The following KCNK5 variants were observed in gnomAD, a reference collection of about 807,000 sequenced individuals.
KCNK5 encodes potassium channel subfamily K member 5.
KCNK5 carries 18 observed loss-of-function variants against 32.9 expected under a neutral mutation model. The ratio of observed to expected loss-of-function variants is 0.55; its 90% confidence interval spans 0.38 to 0.81. The LOEUF (loss-of-function observed/expected upper bound fraction) is 0.81, where lower values mean the gene tolerates loss of function less well. Ranked by LOEUF, KCNK5 falls within the 30% of genes least tolerant of loss-of-function variation. The pLI is 0.00. For missense variants in KCNK5, 507 were observed against 651.0 expected (o/e 0.78, Z 2.41); for synonymous variants, 276 against 275.3 (o/e 1.00, Z -0.03).
At chr6:39,196,937 C>A (rs1771041467) in intron 1 of KCNK5, among the ~76,000 whole-genome samples, 1 of 152,222 alleles carries the variant, frequency 6.6e-6, no homozygotes, top group African/African-American at 2.4e-5. Context: ...CAGCTGCAAA[C>A]CTGTTTCCAT....
intron 1 of KCNK5, among the ~76,000 whole-genome samples, chr6:39,214,286 C>T (rs1255203466): frequency 6.6e-6 from 1 of 152,188 alleles, no homozygotes; most frequent in Non-Finnish European, 1.5e-5. Flanking sequence ...CTGACACATG[C>T]TTTCACCAGG....
intron 1 of KCNK5, among the ~76,000 whole-genome samples, chr6:39,203,928 C>G (rs1327509891): frequency 6.6e-6 from 1 of 152,262 alleles, no homozygotes; most frequent in South Asian, 2.1e-4. Flanking sequence ...CACTGCCTCT[C>G]CCCCCGGGTC....
chr6:39,196,696 C>T (rs181260128), intron 1 of KCNK5, among the ~76,000 whole-genome samples: 10 of 152,374 alleles, frequency 6.6e-5, no homozygotes, highest in South Asian at 6.2e-4. Flanking sequence ...TCCCTCCCTT[C>T]CCTGTAGCCC....
chr6:39,200,240 T>C (rs1313098601), intron 1 of KCNK5, among the ~76,000 whole-genome samples: 2 of 152,142 alleles, frequency 1.3e-5, no homozygotes, highest in African/African-American at 4.8e-5. Flanking sequence ...ATATTTTCAT[T>C]TTCCATACAA....
chr6:39,207,150 A>G (rs944630197), intron 1 of KCNK5, among the ~76,000 whole-genome samples: 4 of 152,150 alleles, frequency 2.6e-5, no homozygotes, highest in South Asian at 4.1e-4. Context: ...TCTTACTTCA[A>G]TCAGGTTTCA....
At chr6:39,227,193 T>G (rs907937395) in intron 1 of KCNK5, among the ~76,000 whole-genome samples, 3 of 151,802 alleles carry the variant, frequency 2.0e-5, no homozygotes, top group African/African-American at 7.3e-5. Flanking sequence ...CTTGAATTCT[T>G]TCCTTCCTTC....
At chr6:39,218,889 T>G (rs12526011) in intron 1 of KCNK5, among the ~76,000 whole-genome samples, 12,285 of 152,186 alleles carry the variant, frequency 0.081, 605 homozygotes, top group African/African-American at 0.13. Context: ...CAAGGAAGGG[T>G]CAAGGGGATG....
Position 39,191,300 on chromosome 6 carries a change from T to A in KCNK5, c.1090A>T (p.Ser364Cys), listed in dbSNP as rs749139119. ...GGGGACCTTGATACGTGGCCTTTGCTCCTCAGTGTCTGTGACACCTCTTCC... is the reference window on the plus strand; with the variant it reads ...GGGGACCTTGATACGTGGCCTTTGCACCTCAGTGTCTGTGACACCTCTTCC... ...TLEEVSQTLR[S>C]KGHVSRSPDE... is the part of the protein sequence containing the mutation. Residue 364 changes from serine to cysteine, a missense_variant, in exon 5 of 5, where the codon AGC (serine) becomes TGC (cysteine). Ser to Cys is a moderately radical substitution (Grantham distance 112). Around this residue, in one of 6 missense-constraint regions of KCNK5, gnomAD observed 252 missense variants for 250.8 expected, o/e 1.00. Transcript: ENST00000359534. This position sits in a 1 kb window ranked among gnomAD's most constrained non-coding sequence, Gnocchi z 5.8. 1.2e-6 allele frequency: 2 copies of A among 1,614,012 alleles called. No homozygotes were observed. The highest frequency in any genetic ancestry group is 3.3e-5 in the Admixed American group (2 of 60,018).
In KCNK5 at chr6:39,191,421, C is replaced by T. The variant is rs149921724; in HGVS notation, c.969G>A (p.Pro323=). 3.3e-5 allele frequency: 53 copies of T among 1,613,230 alleles called. 1 individual carries two copies. Among genetic ancestry groups the T allele is most frequent in the Middle Eastern group, 1.6e-4 (1 of 6,062 alleles). ...CGCCTTGAGGCCCCAGCCCTGGGCC[C>T]GGGCCCGTCTCCCCACCCCCGCTTG... The part of the protein sequence containing the change: ...MKTSGGGETG[P]GPGLGPQGGG... Residue 323 remains proline (P), a synonymous_variant, in exon 5 of 5, where the codon CCG becomes CCA. Transcript: ENST00000359534. The surrounding 1 kb of genome is among the most constrained non-coding windows in gnomAD (Gnocchi z 5.8).
At chr6:39,220,212 G>A (rs1437879963) in intron 1 of KCNK5, among the ~76,000 whole-genome samples, 1 of 152,174 alleles carries the variant, frequency 6.6e-6, no homozygotes, top group Non-Finnish European at 1.5e-5. Context: ...CCAGACTCAG[G>A]GGGCAAGCAT....
chr6:39,193,437 G>A (rs1770975775), intron 4 of KCNK5, among the ~76,000 whole-genome samples: 1 of 152,254 alleles, frequency 6.6e-6, no homozygotes, highest in Admixed American at 6.5e-5. Flanking sequence ...CAGAACAGAG[G>A]CCTCTGGAGC....
chr6:39,189,674 T>C lies in KCNK5; in HGVS notation c.*1216A>G, dbSNP rs1158162541. The C allele has an allele frequency of 6.6e-6, 1 of 152,204 alleles. No homozygotes were observed. The highest frequency in any genetic ancestry group is 1.5e-5 in the Non-Finnish European group (1 of 67,976). 9.4% of individuals were successfully genotyped at this position (152,204 alleles called of 1,614,324 possible). ...GTTCTGCCCACCCCTCACCAGAGAGTCCACCAACAGTTTCACATTATCTTT... is the reference window on the plus strand; with the variant it reads ...GTTCTGCCCACCCCTCACCAGAGAGCCCACCAACAGTTTCACATTATCTTT... On this transcript the variant is annotated 3_prime_UTR_variant, in exon 5 of 5. Transcript: ENST00000359534.
chr6:39,204,683 A>G (rs1389226934), intron 1 of KCNK5, among the ~76,000 whole-genome samples: 2 of 152,174 alleles, frequency 1.3e-5, no homozygotes, highest in Non-Finnish European at 2.9e-5. Context: ...CCAAGTTTCA[A>G]ACGCACTGCC....
intron 1 of KCNK5, among the ~76,000 whole-genome samples, chr6:39,208,269 C>T (rs1289354331): frequency 3.9e-5 from 6 of 152,126 alleles, no homozygotes; most frequent in African/African-American, 1.4e-4. Context: ...TAATCCTGTA[C>T]CAGGGGTGGG....
intron 1 of KCNK5, among the ~76,000 whole-genome samples, chr6:39,202,869 C>A (rs909502156): frequency 1.3e-5 from 2 of 152,162 alleles, no homozygotes; most frequent in African/African-American, 4.8e-5. Flanking sequence ...AGAGGGGTCT[C>A]TCGATGGCTG....
intron 4 of KCNK5, among the ~76,000 whole-genome samples, chr6:39,193,404 C>T (rs1176486850): frequency 6.6e-6 from 1 of 152,256 alleles, no homozygotes; most frequent in East Asian, 1.9e-4. Context: ...TCCCACTGCC[C>T]TCTGGGCAAA....
chr6:39,196,142 G>C (rs140193980), intron 1 of KCNK5, among the ~76,000 whole-genome samples, 155 bp from the exon 2 acceptor site: 2 of 152,186 alleles, frequency 1.3e-5, no homozygotes, highest in Admixed American at 1.3e-4. Context: ...TTGTATAGAG[G>C]ATCAGAGAGG....
In KCNK5 at chr6:39,194,874, A is replaced by C; in HGVS notation, c.299-114T>G. Reference sequence around the variant, plus strand: ...GATAAATTGATATTGATCTATTGTCAGTACTTAAGTAATGATATTTCCCTT... The same window carrying C: ...GATAAATTGATATTGATCTATTGTCCGTACTTAAGTAATGATATTTCCCTT... On this transcript the variant is annotated intron_variant, in intron 2 of 4. Transcript: ENST00000359534. The surrounding 1 kb of genome is among the most constrained non-coding windows in gnomAD (Gnocchi z 4.7). 2.4e-6 allele frequency: 2 copies of C among 828,194 alleles called. No individual in the cohort carries two copies. 51.3% of individuals were successfully genotyped at this position (828,194 alleles called of 1,614,324 possible). A position where few individuals can be genotyped will look rare whatever the true frequency, so the allele number is the denominator to read the frequency against.
At position 39,190,155 on chromosome 6, in the gene KCNK5, G is replaced by A. The variant is rs1032629519; in HGVS notation, c.*735C>T. 4 of 152,414 alleles carry A rather than the reference G, an allele frequency of 2.6e-5. No individual in the cohort carries two copies. The highest frequency in any genetic ancestry group is 4.4e-5 in the Non-Finnish European group (3 of 68,270). The allele number at this position is 152,414 out of a possible 1,614,324, so 9.4% of individuals were successfully genotyped here. A position where few individuals can be genotyped will look rare whatever the true frequency, so the allele number is the denominator to read the frequency against. The stretch of plus-strand genomic sequence containing the variant: ...CTTGGGGGCCCACAGAAAGCCTTGC[G>A]TCTGCCACTGCTTGACCTGAGACAG... On this transcript the variant is annotated 3_prime_UTR_variant, in exon 5 of 5. Coordinates refer to ENST00000359534, the MANE Select transcript of KCNK5 (RefSeq NM_003740.4).
Sources: gnomAD v4.1 joint callset for allele counts (sites outside exome capture counted in the v4.1 genomes callset) on GRCh38, gnomAD v4.1.1 for gene constraint, gnomAD v4.1.1 regional missense constraint, Gnocchi (gnomAD v3.1) non-coding constraint, MANE v1.5 for transcripts, NCBI Gene and HGNC (gene_info 2026-07-23, HGNC 2026-07-21) for gene names.